Variants in IGDCC3 observed in about 807,000 individuals in gnomAD.
IGDCC3 encodes immunoglobulin superfamily DCC subclass member 3, also known as putative neuronal cell adhesion molecule.
In IGDCC3, 47 loss-of-function variants were observed where a neutral mutation model predicts 72.0. The ratio of observed to expected loss-of-function variants is 0.65; its 90% CI spans 0.52 to 0.83. The LOEUF (loss-of-function observed/expected upper bound fraction) is 0.83. Among genes scored for constraint, IGDCC3 ranks in the 40% least tolerant of loss-of-function variants. The pLI is 0.00. For synonymous variants in IGDCC3, 477 were observed against 472.8 expected (o/e 1.01, Z -0.11); for missense variants, 1,038 against 1,091.3 (o/e 0.95, Z 0.69).
At chr15:65,374,734 T>C (rs566784604) in intron 2 of IGDCC3, among the ~76,000 whole-genome samples, 1 of 152,282 alleles carries the variant, frequency 6.6e-6, no homozygotes, top group South Asian at 2.1e-4. Context: ...ACCCTTAAAG[T>C]ATGGGAATGA....
chr15:65,374,339 T>C (rs922635917), intron 2 of IGDCC3, among the ~76,000 whole-genome samples: 3 of 152,174 alleles, frequency 2.0e-5, no homozygotes, highest in Non-Finnish European at 4.4e-5. Context: ...TTTTGGTTTA[T>C]GCAACACACT....
At position 65,330,702 on chromosome 15, in the gene IGDCC3, C is replaced by G. The variant is rs757435983; in HGVS notation, c.1601G>C (p.Ser534Thr). 6.2e-7 allele frequency: 1 copy of G among 1,612,824 alleles called. No homozygotes were observed. Among genetic ancestry groups the G allele is most frequent in the Non-Finnish European group, 8.5e-7 (1 of 1,179,472 alleles). ...CTCCCACAGCAGCTGCAAGGAGGAG[C>G]TGCCCAGGACTCGCACTGACAGTGG... The part of the protein sequence containing the change: ...PPPLSVRVLG[S>T]SSLQLLWEPW... The change falls in exon 10 of 14, where the codon AGC (serine) becomes ACC (threonine). Residue 534 changes from serine (S) to threonine (T), a missense_variant. By Grantham distance (58) the Ser-to-Thr change is moderately conservative (BLOSUM62 1). Transcript: ENST00000327987.
chr15:65,346,582 G>T (rs964290291), intron 2 of IGDCC3, among the ~76,000 whole-genome samples: 2 of 152,014 alleles, frequency 1.3e-5, no homozygotes, highest in Non-Finnish European at 2.9e-5. Flanking sequence ...TCAGCCTCCC[G>T]AGTAGCTGGG....
At chr15:65,330,938 C>A in intron 9 of IGDCC3, 112 bp downstream of exon 9, 1 of 1,310,520 alleles carries the variant, frequency 7.6e-7, no homozygotes, top group Non-Finnish European at 1.1e-6. Context: ...CCCTGACAGC[C>A]TCAGGGCCGG....
chr15:65,335,355 G>A lies in IGDCC3; in HGVS notation c.621C>T (p.Phe207=), dbSNP rs2141036441. ...TGGCGATGTTTGAGGCCACACAGTG[G>A]AAGATGCCACCGTCCTCAGCTCGAA... The part of the protein sequence containing the change: ...TGLRAEDGGI[F]HCVASNIASI... The change falls in exon 4 of 14, where the codon TTC becomes TTT. Residue 207 remains phenylalanine (F), a synonymous_variant. Transcript: ENST00000327987. 1.9e-6 allele frequency: 3 copies of A among 1,613,870 alleles called. No homozygotes were observed. The highest frequency in any genetic ancestry group is 2.5e-6 in the Non-Finnish European group (3 of 1,179,870).
chr15:65,340,763 C>A (rs2091073489), intron 2 of IGDCC3, among the ~76,000 whole-genome samples: 1 of 152,220 alleles, frequency 6.6e-6, no homozygotes, highest in African/African-American at 2.4e-5. Flanking sequence ...GAGACTCACT[C>A]TATCACCTAG....
At chr15:65,336,796 C>T (rs1479088656) in intron 2 of IGDCC3, among the ~76,000 whole-genome samples, 2 of 151,948 alleles carry the variant, frequency 1.3e-5, no homozygotes, top group Non-Finnish European at 1.5e-5. Flanking sequence ...TGTTTCTGCC[C>T]ACCCCCGTTT....
rs574318253 is a variant in IGDCC3, at chr15:65,336,013, G to T, written c.410-57C>A. On this transcript the variant is annotated intron_variant, in intron 2 of 13. Coordinates refer to ENST00000327987, the MANE Select transcript of IGDCC3 (RefSeq NM_004884.4). ...GCTGCTGAGGGCAGAAGGTAGGAGA[G>T]AATGGGCTGCAGTGGCGTCACAGGC... 2,670 of 1,581,728 alleles carry T rather than the reference G, an allele frequency of 1.7e-3. 4 individuals carry two copies. The highest frequency in any genetic ancestry group is 2.1e-3 in the Non-Finnish European group (2,416 of 1,154,432).
At chr15:65,375,644 C>T (rs28461782) in intron 1 of IGDCC3, among the ~76,000 whole-genome samples, 21,675 of 152,206 alleles carry the variant, frequency 0.14, 1,730 homozygotes, top group African/African-American at 0.2. Flanking sequence ...TGTACTATTT[C>T]CTCTTTCACA....
chr15:65,349,994 C>T (rs186209705), intron 2 of IGDCC3, among the ~76,000 whole-genome samples: 1 of 152,248 alleles, frequency 6.6e-6, no homozygotes, highest in Admixed American at 6.5e-5. Flanking sequence ...CTATTCTCTT[C>T]TCTGTGGACT....
rs763622422 is a variant in IGDCC3 at position 65,332,114 on chromosome 15, T to C, written c.983-8A>G. 6.2e-7 allele frequency: 1 copy of C among 1,611,078 alleles called. No individual in the cohort carries two copies. Among genetic ancestry groups the C allele is most frequent in the Non-Finnish European group, 8.5e-7 (1 of 1,178,686 alleles). On this transcript the variant is annotated splice_polypyrimidine_tract_variant and splice_region_variant and intron_variant, in intron 6 of 13. Transcript: ENST00000327987. ...GCACAAACTCAGCTGGGGCTGCGAG[T>C]AGAGTCAGGAGGGTGGGGGCGCAGA...
chr15:65,360,179 G>A (rs1176029971), intron 2 of IGDCC3, among the ~76,000 whole-genome samples: 2 of 152,178 alleles, frequency 1.3e-5, no homozygotes, highest in African/African-American at 4.8e-5. Flanking sequence ...CAGCCCAATG[G>A]ATCCTTTTCA....
chr15:65,354,966 C>A lies in IGDCC3; in HGVS notation c.410-19010G>T, dbSNP rs553760874. Among the ~76,000 whole-genome samples the A allele has an allele frequency of 9.8e-5, 15 of 152,304 alleles. No homozygotes were observed. In the South Asian group the frequency reaches 1.9e-3, roughly 19 times the overall value. On this transcript the variant is annotated intron_variant, in intron 2 of 13. Transcript: ENST00000327987. The stretch of plus-strand genomic sequence containing the variant: ...TTGGTCTGGTGTAGTGCTCAGGAAT[C>A]GGTGTGTCTACTAAAGCTCTGGAAG...
chr15:65,346,468 T>C (rs1054647017), intron 2 of IGDCC3, among the ~76,000 whole-genome samples: 3 of 151,596 alleles, frequency 2.0e-5, no homozygotes, highest in Non-Finnish European at 2.9e-5. Flanking sequence ...CAGCTCTTTT[T>C]TTTTTTGAGA....
intron 2 of IGDCC3, among the ~76,000 whole-genome samples, chr15:65,349,476 C>T (rs907852536): frequency 3.3e-5 from 5 of 152,068 alleles, no homozygotes; most frequent in African/African-American, 4.8e-5. Flanking sequence ...TTGATTAATG[C>T]GAAAAAGAAT....
At chr15:65,332,804 A>T (rs1184282414) in intron 6 of IGDCC3, among the ~76,000 whole-genome samples, 16 of 152,186 alleles carry the variant, frequency 1.1e-4, no homozygotes, top group African/African-American at 3.4e-4. Flanking sequence ...GCCCCACGGG[A>T]GGGGAGGCAG....
Position 65,335,419 on chromosome 15 carries a change from T to C in IGDCC3, c.557A>G (p.Tyr186Cys), listed in dbSNP as rs912924461. The change falls in exon 4 of 14, where the codon TAC becomes TGC. Residue 186 changes from tyrosine to cysteine, a missense_variant and splice_region_variant. Physicochemically the swap from Tyr to Cys is radical, Grantham distance 194. Transcript: ENST00000327987. ...RVPIDTDNERYTLLPKGVLQI... is the reference protein window; with the variant it reads ...RVPIDTDNERCTLLPKGVLQI... ...CAGGACCCCCTTGGGCAGCAATGTG[T>C]ACCTGTTGAGGGGAGGGACATAGTT... The C allele has an allele frequency of 6.2e-7, 1 of 1,608,820 alleles. No individual in the cohort carries two copies. The highest frequency in any genetic ancestry group is 8.5e-7 in the Non-Finnish European group (1 of 1,177,632).
At chr15:65,365,709 C>A (rs527349718) in intron 2 of IGDCC3, among the ~76,000 whole-genome samples, 38 of 152,314 alleles carry the variant, frequency 2.5e-4, no homozygotes, top group Admixed American at 2.4e-3. Context: ...CCTACTTCTG[C>A]TTCTGAAACA....
chr15:65,331,393 C>A lies in IGDCC3; in HGVS notation c.1396+19G>T, dbSNP rs2090976648. The stretch of plus-strand genomic sequence containing the variant: ...AATAGTGAATTAGAGGAAGGGGCAA[C>A]AGAGCTGGCCACGCGCACCAGCAGC... On this transcript the variant is annotated intron_variant, in intron 8 of 13. Transcript: ENST00000327987. The A allele has an allele frequency of 1.3e-6, 2 of 1,588,852 alleles. No individual in the cohort carries two copies. Among genetic ancestry groups the A allele is most frequent in the African/African-American group, 2.7e-5 (2 of 74,658 alleles).
Sources: allele counts gnomAD v4.1 joint callset (sites outside exome capture counted in the v4.1 genomes callset), GRCh38; gene constraint gnomAD v4.1.1; transcripts MANE v1.5; gene names NCBI Gene and HGNC (gene_info 2026-07-23, HGNC 2026-07-21).